Variants in VIRMA observed in about 807,000 individuals in gnomAD.
VIRMA encodes vir like m6A methyltransferase associated.
VIRMA carries 65 observed loss-of-function variants against 182.4 expected under a neutral mutation model. That is an observed-to-expected ratio of 0.36 (90% CI 0.29 to 0.44). The LOEUF (loss-of-function observed/expected upper bound fraction) is 0.44, where lower values mean the gene tolerates loss of function less well. Ranked by LOEUF, VIRMA falls within the 20% of genes least tolerant of loss-of-function variation. The pLI is 1.00. For missense variants in VIRMA, 1,752 were observed against 2,158.1 expected, an observed-to-expected ratio of 0.81 and a Z score of 3.73; for synonymous variants, 709 against 743.1, an observed-to-expected ratio of 0.95 and a Z score of 0.75.
chr8:94,520,156 T>G (rs186235383), intron 8 of VIRMA, among the ~76,000 whole-genome samples: 1 of 136,030 alleles, frequency 7.4e-6, no homozygotes, highest in East Asian at 2.3e-4. Flanking sequence ...ATTGCTCCAC[T>G]GCACTCCAAC....
chr8:94,545,280 T>G (rs927238295), intron 1 of VIRMA, among the ~76,000 whole-genome samples: 3 of 152,236 alleles, frequency 2.0e-5, no homozygotes, highest in African/African-American at 7.2e-5. Flanking sequence ...TGGACAATTT[T>G]ATGTCAACTT....
rs1586087262 is a variant in VIRMA, at chr8:94,518,899, A to G, written c.2513+86T>C. The G allele has an allele frequency of 4.0e-6, 5 of 1,255,546 alleles. No individual in the cohort carries two copies. In the East Asian group the frequency reaches 1.2e-4, roughly 29 times the overall value. The allele number at this position is 1,255,546 out of a possible 1,614,324, so 77.8% of individuals were successfully genotyped here. ...AAAACTATAGTTTTTCCCTCTCAAA[A>G]TAACACCTTCTTTTAAGAAACTAGA... On this transcript the variant is annotated intron_variant, in intron 9 of 23. Transcript: ENST00000297591.
At position 94,527,228 on chromosome 8, in the gene VIRMA, T is replaced by C; in HGVS notation, c.1016A>G (p.Asp339Gly). 6.2e-7 allele frequency: 1 copy of C among 1,613,792 alleles called. No individual in the cohort carries two copies. Among genetic ancestry groups the C allele is most frequent in the Non-Finnish European group, 8.5e-7 (1 of 1,179,708 alleles). ...DLASVPPMTY[D>G]PYDRELVPLL... ...TGGTACAAGCTCCCTGTCATATGGA[T>C]CATATGTCATAGGAGGAACTGAAGC... Residue 339 changes from aspartate (D) to glycine (G), a missense_variant, in exon 8 of 24, where the codon GAT becomes GGT. By Grantham distance (94) the Asp-to-Gly change is moderately conservative (BLOSUM62 -1). Transcript: ENST00000297591.
intron 2 of VIRMA, among the ~76,000 whole-genome samples, chr8:94,539,133 C>G (rs567474051): frequency 8.6e-5 from 13 of 151,872 alleles, no homozygotes; most frequent in African/African-American, 3.1e-4. Flanking sequence ...TCTCGAGCTC[C>G]TGTGCTCAAG....
At chr8:94,493,720 C>T (rs112441400) in intron 20 of VIRMA, among the ~76,000 whole-genome samples, 2,982 of 152,126 alleles carry the variant, frequency 0.02, 92 homozygotes, top group African/African-American at 0.067. Flanking sequence ...GAAAAGCAGC[C>T]CTCAACACAC....
rs187613890 is a variant in VIRMA, at chr8:94,508,247, G to A, written c.3879+1441C>T. Reference sequence around the variant, plus strand: ...TGGGACTACAGATGCATGCCACCACGCCCAGCTAGTTTTTTTGTAGTAGAG... The same window carrying A: ...TGGGACTACAGATGCATGCCACCACACCCAGCTAGTTTTTTTGTAGTAGAG... On this transcript the variant is annotated intron_variant, in intron 15 of 23. Coordinates refer to ENST00000297591, the MANE Select transcript of VIRMA (RefSeq NM_015496.5). Among the ~76,000 whole-genome samples, 587 of 151,828 alleles carry A rather than the reference G, an allele frequency of 3.9e-3. 1 individual carries two copies. Among genetic ancestry groups the A allele is most frequent in the South Asian group, 6.9e-3 (33 of 4,782 alleles).
chr8:94,514,495 T>G (rs1162430319), intron 11 of VIRMA, among the ~76,000 whole-genome samples: 1 of 152,188 alleles, frequency 6.6e-6, no homozygotes, highest in East Asian at 1.9e-4. Flanking sequence ...CCTAAATATT[T>G]TGAGTGAAAT....
rs766747251 is a variant in VIRMA, at chr8:94,495,884, G to A, written c.4391C>T (p.Ser1464Leu). ...AGAATCCAGATTGTCATCATCTTTT[G>A]AATGTTCCTAGATACAAATAAAGGC... is the stretch of plus-strand genomic sequence containing the variant. ...LELEKLVLEH[S>L]KDDDNLDSLL... The change falls in exon 19 of 24, where the codon TCA becomes TTA. Residue 1464 changes from serine (S) to leucine (L), a missense_variant. This residue lies in a region of VIRMA where 777 missense variants were observed against 920.6 expected (regional missense o/e 0.84). Transcript: ENST00000297591. 4 of 1,612,580 alleles carry A rather than the reference G, an allele frequency of 2.5e-6. No individual in the cohort carries two copies. Among genetic ancestry groups the A allele is most frequent in the South Asian group, 2.2e-5 (2 of 90,720 alleles).
chr8:94,490,779 A>G (rs1586058101), intron 22 of VIRMA, among the ~76,000 whole-genome samples: 1 of 152,072 alleles, frequency 6.6e-6, no homozygotes, highest in Non-Finnish European at 1.5e-5. Context: ...CCCAGGAGGC[A>G]GAGGCTGCAG....
At chr8:94,513,321 A>T (rs1020482006) in intron 11 of VIRMA, among the ~76,000 whole-genome samples, 13 of 152,082 alleles carry the variant, frequency 8.5e-5, no homozygotes, top group South Asian at 6.2e-4. Flanking sequence ...TGGGCGACAG[A>T]GCAAGACTCC....
intron 4 of VIRMA, among the ~76,000 whole-genome samples, chr8:94,535,634 T>C (rs973771788): frequency 6.6e-6 from 1 of 151,940 alleles, no homozygotes; most frequent in African/African-American, 2.4e-5. Context: ...ATTACAAAAA[T>C]TAGCCAGGGT....
chr8:94,527,415 C>T (rs528333591), intron 7 of VIRMA, 52 bp from the exon 8 acceptor site: 2 of 1,103,508 alleles, frequency 1.8e-6, no homozygotes, highest in African/African-American at 1.6e-5. Flanking sequence ...TTGTCTAATA[C>T]ATAAATTCTG....
In VIRMA at chr8:94,492,732, T is replaced by G. The variant is rs750350205; in HGVS notation, c.4728A>C (p.Glu1576Asp). The G allele has an allele frequency of 1.2e-6, 2 of 1,613,922 alleles. No individual in the cohort carries two copies. ...HSELERSFLSEPSSPGRTKTT... is the reference protein window; with the variant it reads ...HSELERSFLSDPSSPGRTKTT... ...TCTTGGTTCTTCCTGGAGATGATGG[T>G]TCTGACAAAAATGAGCGCTCTAATT... Residue 1576 changes from glutamate to aspartate, a missense_variant, in exon 21 of 24, where the codon GAA becomes GAC. Around this residue, in one of 11 missense-constraint regions of VIRMA, gnomAD observed 777 missense variants for 920.6 expected, o/e 0.84. Coordinates refer to ENST00000297591, the MANE Select transcript of VIRMA (RefSeq NM_015496.5).
chr8:94,547,141 CTA>C (rs1285381985), intron 1 of VIRMA: 2 of 386,318 alleles, frequency 5.2e-6, no homozygotes, highest in Non-Finnish European at 1.0e-5. Flanking sequence ...TCCCATTAGA[CTA>C]TGTGTTTAAA....
At position 94,499,361 on chromosome 8, in the gene VIRMA, C is replaced by T; in HGVS notation, c.4230+13G>A. On this transcript the variant is annotated intron_variant, in intron 17 of 23. Coordinates refer to ENST00000297591, the MANE Select transcript of VIRMA (RefSeq NM_015496.5). Reference sequence around the variant, plus strand: ...ATACATATATACACAAACACAAACACACACATACTTACAATTGTGTCAGAG... The same window carrying T: ...ATACATATATACACAAACACAAACATACACATACTTACAATTGTGTCAGAG... 6.6e-7 allele frequency: 1 copy of T among 1,522,470 alleles called. No homozygotes were observed. Among genetic ancestry groups the T allele is most frequent in the African/African-American group, 1.4e-5 (1 of 72,352 alleles). The allele number at this position is 1,522,470 out of a possible 1,614,324, so 94.3% of individuals were successfully genotyped here.
At position 94,535,023 on chromosome 8, in the gene VIRMA, G is replaced by A; in HGVS notation, c.316-16C>T. Reference sequence around the variant, plus strand: ...CAGTATTCACCTGATTTTCAGGGAGGGCAAAAAAAATCTTTCAAAGTCATG... The same window carrying A: ...CAGTATTCACCTGATTTTCAGGGAGAGCAAAAAAAATCTTTCAAAGTCATG... On this transcript the variant is annotated splice_polypyrimidine_tract_variant and intron_variant, in intron 4 of 23. Coordinates refer to ENST00000297591, the MANE Select transcript of VIRMA (RefSeq NM_015496.5). 1.3e-6 allele frequency: 2 copies of A among 1,546,122 alleles called. No homozygotes were observed. Among genetic ancestry groups the A allele is most frequent in the East Asian group, 2.3e-5 (1 of 42,880 alleles).
chr8:94,536,110 C>T (rs1037067659), intron 4 of VIRMA, among the ~76,000 whole-genome samples: 3 of 152,122 alleles, frequency 2.0e-5, no homozygotes, highest in Admixed American at 6.5e-5. Context: ...TAAGTGTTAC[C>T]GGGGCCCCTT....
At chr8:94,504,728 G>A (rs996901151) in intron 16 of VIRMA, among the ~76,000 whole-genome samples, 1 of 152,140 alleles carries the variant, frequency 6.6e-6, no homozygotes, top group Admixed American at 6.6e-5. Flanking sequence ...GTGGAGAAGA[G>A]GGATCAGATT....
chr8:94,519,153 G>C lies in VIRMA; in HGVS notation c.2345C>G (p.Thr782Arg). Residue 782 changes from threonine (T) to arginine (R), a missense_variant, in exon 9 of 24, where the codon ACA (threonine) becomes AGA (arginine). Transcript: ENST00000297591. ...TGAATGGTCTGTTTCTTCACTGGCT[G>C]TACAACGCTGAAAATGGCTGAACAG... ...TELFSHFQRCTASEETDHSDL... is the reference protein window; with the variant it reads ...TELFSHFQRCRASEETDHSDL... The C allele has an allele frequency of 6.2e-7, 1 of 1,614,144 alleles. No homozygotes were observed. Among genetic ancestry groups the C allele is most frequent in the South Asian group, 1.1e-5 (1 of 91,078 alleles).
Sources: allele counts gnomAD v4.1 joint callset (sites outside exome capture counted in the v4.1 genomes callset), GRCh38; gene constraint gnomAD v4.1.1; regional missense constraint gnomAD v4.1.1; transcripts MANE v1.5; gene names NCBI Gene and HGNC (gene_info 2026-07-23, HGNC 2026-07-21).